The following ZNF816 variants were observed in gnomAD, a reference collection of about 807,000 sequenced individuals.
ZNF816 encodes the protein zinc finger protein 816.
Under a neutral mutation model 8.3 loss-of-function variants are expected in ZNF816, and 11 were observed. That is an observed-to-expected ratio of 1.32 (90% CI 0.83 to 2.19). The LOEUF is 2.19. Among genes scored for constraint, ZNF816 ranks in the 30% most tolerant of loss-of-function variants. The probability of loss-of-function intolerance (pLI) is 0.00; values close to 1 mark genes in which losing one functional copy is unlikely to be tolerated. For synonymous variants in ZNF816, 255 were observed against 254.5 expected (o/e 1.00, Z -0.02); for missense variants, 710 against 779.3 (o/e 0.91, Z 1.06).
intron 1 of ZNF816, 165 bp from the exon 2 acceptor site, chr19:52,956,269 C>T: frequency 1.3e-6 from 1 of 748,308 alleles, no homozygotes; most frequent in East Asian, 2.8e-5. Flanking sequence ...GGAAGACCTA[C>T]AAATGTAATT....
chr19:52,956,488 C>A (rs150059682), intron 1 of ZNF816, among the ~76,000 whole-genome samples: 17 of 152,308 alleles, frequency 1.1e-4, no homozygotes, highest in Non-Finnish European at 1.9e-4. Context: ...ATAAGAATCA[C>A]CAGTGCCATT....
rs756827965 is a variant in ZNF816, at chr19:52,951,007, T to TTC, written c.766_767dup (p.Tyr257AsnfsTer102). On this transcript the variant is annotated frameshift_variant, in exon 4 of 4. Coordinates refer to ENST00000444460, the MANE Select transcript of ZNF816 (RefSeq NM_001202457.3). LOFTEE classifies it low-confidence loss of function (END_TRUNC). The stretch of plus-strand genomic sequence containing the variant: ...TCTTGCCACATACATCACATTTATA[T>TTC]TCTCTCTCTCTTGAATGGGTTATGT... 3.7e-6 allele frequency: 6 copies of TTC among 1,614,110 alleles called. No homozygotes were observed. Among genetic ancestry groups the TTC allele is most frequent in the Middle Eastern group, 1.6e-4 (1 of 6,062 alleles).
intron 2 of ZNF816, among the ~76,000 whole-genome samples, chr19:52,954,793 G>A (rs1346661549): frequency 1.7e-5 from 2 of 118,306 alleles, no homozygotes; most frequent in Admixed American, 9.5e-5. Flanking sequence ...AGGCGGGGAG[G>A]CCCTGTCTCA....
At chr19:52,959,545 G>A (rs1441954268) in intron 1 of ZNF816, among the ~76,000 whole-genome samples, 8 of 152,166 alleles carry the variant, frequency 5.3e-5, no homozygotes, top group African/African-American at 1.2e-4. Context: ...ATGCCAGATC[G>A]TTGTCCCAGG....
rs768728512 is a variant in ZNF816, at chr19:52,951,518, T to G, written c.257A>C (p.His86Pro). Reference protein sequence around the residue: ...TRHSITGEVIHTGTLQRHKSH... With the variant: ...TRHSITGEVIPTGTLQRHKSH... ...TTTATGTCTTTGCAACGTCCCTGTG[T>G]GGATCACTTCTCCTGTAATACTGTG... The change falls in exon 4 of 4, where the codon CAC becomes CCC. Residue 86 changes from histidine (H) to proline (P), a missense_variant. Coordinates refer to ENST00000444460, the MANE Select transcript of ZNF816 (RefSeq NM_001202457.3). 1 of 1,610,236 alleles carries G rather than the reference T, an allele frequency of 6.2e-7. No homozygotes were observed. Among genetic ancestry groups the G allele is most frequent in the Non-Finnish European group, 8.5e-7 (1 of 1,177,920 alleles).
rs1403245354 is a variant in ZNF816 at position 52,951,027 on chromosome 19, T to C, written c.748A>G (p.Thr250Ala). Residue 250 changes from threonine to alanine, a missense_variant, in exon 4 of 4, where the codon ACC (threonine) becomes GCC (alanine). Physicochemically the swap from Thr to Ala is moderately conservative, Grantham distance 58. Coordinates refer to ENST00000444460, the MANE Select transcript of ZNF816 (RefSeq NM_001202457.3). ...TTATATTCTCTCTCTCTTGAATGGG[T>C]TATGTGGTGTCTCCTTAAGAGTGAG... ...YSSLLRRHHI[T>A]HSREREYKCD... 6 of 1,614,042 alleles carry C rather than the reference T, an allele frequency of 3.7e-6. No homozygotes were observed. The highest frequency in any genetic ancestry group is 5.1e-6 in the Non-Finnish European group (6 of 1,180,006).
chr19:52,950,964 A>G lies in ZNF816; in HGVS notation c.811T>C (p.Tyr271His). Residue 271 changes from tyrosine to histidine, a missense_variant, in exon 4 of 4, where the codon TAC becomes CAC. Physicochemically the swap from Tyr to His is moderately conservative, Grantham distance 83 (BLOSUM62 2). Transcript: ENST00000444460. ...VCGKIFNQKQ[Y>H]IVYHHRCHTG... ...TGACATCTATGATGATATACAATGT[A>G]TTGCTTCTGATTAAAGATCTTGCCA... 1 of 1,614,162 alleles carries G rather than the reference A, an allele frequency of 6.2e-7. No homozygotes were observed. Among genetic ancestry groups the G allele is most frequent in the Non-Finnish European group, 8.5e-7 (1 of 1,180,040 alleles).
chr19:52,954,622 C>T (rs1380460800), intron 2 of ZNF816, among the ~76,000 whole-genome samples: 11 of 152,098 alleles, frequency 7.2e-5, no homozygotes, highest in Admixed American at 2.0e-4. Flanking sequence ...GCCAAAAGTT[C>T]GAGACCAGCC....
chr19:52,949,748 A>C lies in ZNF816; in HGVS notation c.*71T>G. ...TTTGCCACATTTATTACACTTGTAG[A>C]TCTCTCTTCAATATGGATTCTGTAA... is the stretch of plus-strand genomic sequence containing the variant. On this transcript the variant is annotated 3_prime_UTR_variant, in exon 4 of 4. Transcript: ENST00000444460. The C allele has an allele frequency of 6.2e-7, 1 of 1,605,464 alleles. No individual in the cohort carries two copies. Among genetic ancestry groups the C allele is most frequent in the Non-Finnish European group, 8.5e-7 (1 of 1,173,836 alleles).
chr19:52,960,774 G>A (rs368362242), intron 1 of ZNF816, among the ~76,000 whole-genome samples: 8 of 152,048 alleles, frequency 5.3e-5, no homozygotes, highest in East Asian at 3.9e-4. Context: ...AAGGAATCCC[G>A]GCCTGGATCC....
chr19:52,951,690 C>G, intron 3 of ZNF816, 106 bp from the exon 4 acceptor site: 1 of 1,103,266 alleles, frequency 9.1e-7, no homozygotes, highest in Non-Finnish European at 1.3e-6. Flanking sequence ...TTATTTTAAA[C>G]TTCCCAAATG....
At chr19:52,953,485 A>G (rs1568438238) in intron 2 of ZNF816, 2 of 128,922 alleles carry the variant, frequency 1.6e-5, no homozygotes, top group African/African-American at 3.2e-5. Flanking sequence ...ATAAATATAT[A>G]ATATATATTT....
chr19:52,953,563 GTATT>G (rs2083482663), intron 2 of ZNF816, among the ~76,000 whole-genome samples: 9 of 41,888 alleles, frequency 2.1e-4, no homozygotes. Flanking sequence ...TATATAATAT[GTATT>G]TATAAAATAT....
chr19:52,955,969 A>G, intron 2 of ZNF816, 58 bp downstream of exon 2: 1 of 1,574,716 alleles, frequency 6.4e-7, no homozygotes, highest in Non-Finnish European at 8.6e-7. Flanking sequence ...GGCTACTACA[A>G]TACCTGGCAC....
chr19:52,959,154 A>C (rs750113750), intron 1 of ZNF816, among the ~76,000 whole-genome samples: 1 of 152,234 alleles, frequency 6.6e-6, no homozygotes, highest in Non-Finnish European at 1.5e-5. Context: ...CTGGCAGAAG[A>C]AGCAGATAAA....
At chr19:52,962,386 C>G (rs946526431) in intron 1 of ZNF816, among the ~76,000 whole-genome samples, 16 of 152,174 alleles carry the variant, frequency 1.1e-4, no homozygotes, top group African/African-American at 3.6e-4. Flanking sequence ...TCAAAGGGTA[C>G]TCTCCCTGTA....
chr19:52,952,451 A>G (rs1039462568), intron 3 of ZNF816: 9 of 476,862 alleles, frequency 1.9e-5, no homozygotes, highest in African/African-American at 4.1e-5. Flanking sequence ...TCTATCTCGT[A>G]TCCTGGGCCA....
intron 1 of ZNF816, among the ~76,000 whole-genome samples, chr19:52,958,076 T>C (rs2083525358): frequency 6.6e-6 from 1 of 152,134 alleles, no homozygotes; most frequent in South Asian, 2.1e-4. Context: ...GCAAAAACAG[T>C]ACCTGGTCCC....
chr19:52,959,131 A>C (rs1482483107), intron 1 of ZNF816, among the ~76,000 whole-genome samples: 1 of 152,256 alleles, frequency 6.6e-6, no homozygotes, highest in Non-Finnish European at 1.5e-5. Context: ...GGGCCTTGGC[A>C]GCAACTGCCC....
Sources: gnomAD v4.1 joint callset for allele counts (sites outside exome capture counted in the v4.1 genomes callset) on GRCh38, gnomAD v4.1.1 for gene constraint, MANE v1.5 for transcripts, NCBI Gene and HGNC (gene_info 2026-07-23, HGNC 2026-07-21) for gene names.